TMEM171: variants seen among roughly 807,000 people sequenced by gnomAD.
The protein encoded by TMEM171 is transmembrane protein 171.
In TMEM171, 16 loss-of-function variants were observed where a neutral mutation model predicts 19.1. The ratio of observed to expected loss-of-function variants is 0.84; its 90% CI spans 0.57 to 1.27. The LOEUF (loss-of-function observed/expected upper bound fraction) is 1.27, where lower values mean the gene tolerates loss of function less well. Ranked by LOEUF, TMEM171 falls within the 50% of genes most tolerant of loss-of-function variation. TMEM171 has a pLI of 0.00. For synonymous variants in TMEM171, 153 were observed against 163.4 expected (o/e 0.94, Z 0.48); for missense variants, 429 against 412.7 (o/e 1.04, Z -0.34).
chr5:73,124,516 C>A (rs568083039), intron 2 of TMEM171, among the ~76,000 whole-genome samples: 1 of 152,296 alleles, frequency 6.6e-6, no homozygotes, highest in East Asian at 1.9e-4. Flanking sequence ...ATAAAATGAG[C>A]AGTGCCTCTC....
chr5:73,127,569 T>G (rs988100328), intron 2 of TMEM171, among the ~76,000 whole-genome samples: 1 of 150,840 alleles, frequency 6.6e-6, no homozygotes, highest in Non-Finnish European at 1.5e-5. Context: ...CCCGAATAGC[T>G]GGGATTACAG....
chr5:73,127,795 C>T lies in TMEM171; in HGVS notation c.641-595C>T, dbSNP rs1314157441. On this transcript the variant is annotated intron_variant, in intron 2 of 3. Transcript: ENST00000454765. Reference sequence around the variant, plus strand: ...TTGCTCTGTCACCCAGGCTGGAGTGCAGTGGTACAATCATAGTTCACTGCA... The same window carrying T: ...TTGCTCTGTCACCCAGGCTGGAGTGTAGTGGTACAATCATAGTTCACTGCA... Among the ~76,000 whole-genome samples, 3 of 151,198 alleles carry T rather than the reference C, an allele frequency of 2.0e-5. No individual in the cohort carries two copies. In the East Asian group the frequency reaches 5.8e-4, roughly 29 times the overall value.
At position 73,123,790 on chromosome 5, in the gene TMEM171, C is replaced by A. The variant is rs636926; in HGVS notation, c.417C>A (p.Asn139Lys). 456,445 of 1,612,386 alleles carry A rather than the reference C, an allele frequency of 0.28. 71,006 individuals are homozygous for A. Among genetic ancestry groups the A allele is most frequent in the East Asian group, 0.57 (25,623 of 44,814 alleles). The change falls in exon 2 of 4, where the codon AAC becomes AAA. Residue 139 changes from asparagine (N) to lysine (K), a missense_variant. By Grantham distance (94) the Asn-to-Lys change is moderately conservative. Transcript: ENST00000454765. ...TTTGGGTCCCTGGATGTGGCTCCAA[C>A]TGGGCGCAGGAACCGCTAAACGAGA... is the stretch of plus-strand genomic sequence containing the variant. ...LGIWVPGCGSNWAQEPLNETD... is the reference protein window; with the variant it reads ...LGIWVPGCGSKWAQEPLNETD...
intron 1 of TMEM171, among the ~76,000 whole-genome samples, chr5:73,122,428 C>T (rs1219125115): frequency 1.3e-5 from 2 of 152,154 alleles, no homozygotes; most frequent in Admixed American, 6.5e-5. Context: ...TTGTTTTTGG[C>T]AGGGTCTCAC....
intron 3 of TMEM171, among the ~76,000 whole-genome samples, chr5:73,130,805 C>T (rs1022373915): frequency 3.9e-5 from 6 of 152,030 alleles, no homozygotes; most frequent in Non-Finnish European, 8.8e-5. Context: ...GAATTCTCAT[C>T]GTGAATGTTT....
rs1744362762 is a variant in TMEM171 at position 73,131,664 on chromosome 5, A to T, written c.909A>T (p.Arg303Ser). 2.5e-6 allele frequency: 4 copies of T among 1,613,816 alleles called. No individual in the cohort carries two copies. The highest frequency in any genetic ancestry group is 3.4e-6 in the Non-Finnish European group (4 of 1,179,958). ...TPHLPSELPP[R>S]YEEKENAAAT... ...ATCTTCCATCTGAATTGCCTCCTAG[A>T]TATGAAGAAAAAGAAAATGCTGCAG... The change falls in exon 4 of 4, where the codon AGA (arginine) becomes AGT (serine). Residue 303 changes from arginine to serine, a missense_variant. Arg to Ser is a moderately radical substitution (Grantham distance 110). Transcript: ENST00000454765.
In TMEM171 at chr5:73,123,898, G is replaced by C; in HGVS notation, c.525G>C (p.Leu175Phe). ...IMGPLIVLVG[L>F]CFFVVAHVKK... ...GGCCCTTGATTGTGCTTGTGGGATT[G>C]TGTTTCTTCGTGGTTGCCCATGTTA... Residue 175 changes from leucine to phenylalanine, a missense_variant, in exon 2 of 4, where the codon TTG becomes TTC. Physicochemically the swap from Leu to Phe is conservative, Grantham distance 22 (BLOSUM62 0). Transcript: ENST00000454765. 6.2e-7 allele frequency: 1 copy of C among 1,614,052 alleles called. No homozygotes were observed. Among genetic ancestry groups the C allele is most frequent in the Non-Finnish European group, 8.5e-7 (1 of 1,179,992 alleles).
In TMEM171 at chr5:73,123,980, A is replaced by T; in HGVS notation, c.607A>T (p.Ile203Phe). ...TGCCTCTGAGAGAGAAGAGGGACAG[A>T]TCCAGATTATGGAGCCTGTCCAGGT... ...QDASEREEGQ[I>F]QIMEPVQVTV... Residue 203 changes from isoleucine (I) to phenylalanine (F), a missense_variant, in exon 2 of 4, where the codon ATC becomes TTC. Ile to Phe is a conservative substitution (Grantham distance 21). Coordinates refer to ENST00000454765, the MANE Select transcript of TMEM171 (RefSeq NM_173490.8). The T allele has an allele frequency of 6.3e-7, 1 of 1,587,384 alleles. No individual in the cohort carries two copies. The highest frequency in any genetic ancestry group is 1.7e-4 in the Middle Eastern group (1 of 5,888).
rs113727580 is a variant in TMEM171, at chr5:73,123,958, C to T, written c.585C>T (p.Ala195=). Residue 195 remains alanine (A), a synonymous_variant, in exon 2 of 4, where the codon GCC becomes GCT. Coordinates refer to ENST00000454765, the MANE Select transcript of TMEM171 (RefSeq NM_173490.8). ...KRNTLNAGQD[A]SEREEGQIQI... is the part of the protein sequence containing the mutation. The stretch of plus-strand genomic sequence containing the variant: ...ACACGCTGAATGCTGGCCAGGATGC[C>T]TCTGAGAGAGAAGAGGGACAGATCC... 9.2e-5 allele frequency: 148 copies of T among 1,605,432 alleles called. 2 individuals are homozygous for T. The African/African-American group carries it at 1.2e-3, about 13-fold the overall frequency.
At chr5:73,120,775 G>A in intron 1 of TMEM171, 79 bp downstream of exon 1, 7 of 982,132 alleles carry the variant, frequency 7.1e-6, no homozygotes, top group Non-Finnish European at 8.5e-6. Flanking sequence ...TGGGCGCGGG[G>A]AGCCGCGGCA....
At position 73,120,581 on chromosome 5, in the gene TMEM171, C is replaced by CGCGGTGGGTAGGGTGCAGG; in HGVS notation, c.-179_-161dup. On this transcript the variant is annotated 5_prime_UTR_variant, in exon 1 of 4. Coordinates refer to ENST00000454765, the MANE Select transcript of TMEM171 (RefSeq NM_173490.8). Reference sequence around the variant, plus strand: ...CGGGTCCGCCCTCCGCACCAGGACGCGCGGTGGGTAGGGTGCAGGGCGGCC... The same window carrying CGCGGTGGGTAGGGTGCAGG: ...CGGGTCCGCCCTCCGCACCAGGACGCGCGGTGGGTAGGGTGCAGGGCGGTGGGTAGGGTGCAGGGCGGCC... 2 of 985,580 alleles carry CGCGGTGGGTAGGGTGCAGG rather than the reference C, an allele frequency of 2.0e-6. No individual in the cohort carries two copies. Among genetic ancestry groups the CGCGGTGGGTAGGGTGCAGG allele is most frequent in the Non-Finnish European group, 2.4e-6 (2 of 830,342 alleles). 61.1% of individuals were successfully genotyped at this position (985,580 alleles called of 1,614,324 possible).
chr5:73,123,369 T>C lies in TMEM171; in HGVS notation c.-5T>C. On this transcript the variant is annotated 5_prime_UTR_variant, in exon 2 of 4. Coordinates refer to ENST00000454765, the MANE Select transcript of TMEM171 (RefSeq NM_173490.8). ...CCTGCCTCCGGGAAGGGGCCTCTCC[T>C]GGACATGTCTCCTGCAGCTGCTGCT... 1 of 1,609,162 alleles carries C rather than the reference T, an allele frequency of 6.2e-7. No individual in the cohort carries two copies. The highest frequency in any genetic ancestry group is 8.5e-7 in the Non-Finnish European group (1 of 1,176,470).
intron 3 of TMEM171, among the ~76,000 whole-genome samples, chr5:73,130,305 G>A (rs1744297811): frequency 6.6e-6 from 1 of 152,208 alleles, no homozygotes; most frequent in Non-Finnish European, 1.5e-5. Flanking sequence ...TGTGCTCAGG[G>A]AGCAGGGCTG....
chr5:73,128,579 A>C (rs1347923865), intron 3 of TMEM171, 48 bp downstream of exon 3: 1 of 1,606,900 alleles, frequency 6.2e-7, no homozygotes, highest in Non-Finnish European at 8.5e-7. Flanking sequence ...TTCAGGCCAC[A>C]CTAGTATTAA....
chr5:73,127,384 A>AAAAAAAAAAAAATATATATATATATATAT, intron 2 of TMEM171, among the ~76,000 whole-genome samples: 12 of 81,656 alleles, frequency 1.5e-4, no homozygotes, highest in Admixed American at 2.3e-4. Flanking sequence ...AAAAAAAAAA[A>AAAAAAAAAAAAATATATATATATATATAT]ATATATATAT....
intron 2 of TMEM171, among the ~76,000 whole-genome samples, chr5:73,127,369 TA>T (rs150651292): frequency 0.021 from 2,074 of 97,186 alleles, 123 homozygotes; most frequent in Admixed American, 0.08. Flanking sequence ...AAATTTGTGG[TA>T]AAAAAAAAAA....
chr5:73,123,923 A>AAGAAGAGAAG lies in TMEM171; in HGVS notation c.559_560insGAGAAGAGAA (p.Asn187ArgfsTer14), dbSNP rs749416630. ...GTGTTTCTTCGTGGTTGCCCATGTT[A>AAGAAGAGAAG]AGAAGAGAAACACGCTGAATGCTGG... On this transcript the variant is annotated frameshift_variant, in exon 2 of 4. Transcript: ENST00000454765. LOFTEE classifies it high-confidence loss of function. 6.2e-7 allele frequency: 1 copy of AAGAAGAGAAG among 1,613,742 alleles called. No individual in the cohort carries two copies. The highest frequency in any genetic ancestry group is 1.7e-5 in the Admixed American group (1 of 59,940).
chr5:73,128,327 C>G (rs1744235264), intron 2 of TMEM171, 63 bp from the exon 3 acceptor site: 3 of 1,578,222 alleles, frequency 1.9e-6, no homozygotes, highest in Non-Finnish European at 2.6e-6. Context: ...ATTAATTTTG[C>G]TTTTGCTAAT....
chr5:73,129,697 G>A (rs1744281485), intron 3 of TMEM171, among the ~76,000 whole-genome samples: 1 of 152,224 alleles, frequency 6.6e-6, no homozygotes, highest in African/African-American at 2.4e-5. Context: ...TGGGCCAGGA[G>A]GCCCCTGCTA....
Sources: gnomAD v4.1 joint callset for allele counts (sites outside exome capture counted in the v4.1 genomes callset) on GRCh38, gnomAD v4.1.1 for gene constraint, MANE v1.5 for transcripts, NCBI Gene and HGNC (gene_info 2026-07-23, HGNC 2026-07-21) for gene names.